The following PCBP3 variants were observed in gnomAD, a reference collection of about 807,000 sequenced individuals.
PCBP3 encodes the protein poly(rC)-binding protein 3.
A neutral mutation model predicts 52.7 loss-of-function variants in PCBP3; 25 were observed. The ratio of observed to expected loss-of-function variants is 0.47; its 90% CI spans 0.35 to 0.66. The LOEUF is 0.66. Among genes scored for constraint, PCBP3 ranks in the 30% least tolerant of loss-of-function variants. The pLI is 0.01. For missense variants in PCBP3, 391 were observed against 490.3 expected, an observed-to-expected ratio of 0.80 and a Z score of 1.91; for synonymous variants, 162 against 183.0, an observed-to-expected ratio of 0.89 and a Z score of 0.93.
intron 4 of PCBP3, among the ~76,000 whole-genome samples, chr21:45,840,456 CAAAAAAA>C (rs36059363): frequency 1.1e-5 from 1 of 87,998 alleles, no homozygotes; most frequent in Non-Finnish European, 2.3e-5. Flanking sequence ...GACCCTGTCT[CAAAAAAA>C]AAAAAAAAAA....
intron 4 of PCBP3, among the ~76,000 whole-genome samples, chr21:45,826,750 C>T (rs1603445084): frequency 6.6e-6 from 1 of 152,176 alleles, no homozygotes; most frequent in East Asian, 1.9e-4. Context: ...ACTGGAAACG[C>T]CAGTGGGTAC....
At chr21:45,651,299 A>G (rs920161505) in intron 1 of PCBP3, among the ~76,000 whole-genome samples, 5 of 152,176 alleles carry the variant, frequency 3.3e-5, no homozygotes, top group African/African-American at 4.8e-5. Flanking sequence ...CCAGCTTATT[A>G]TTTATTTTCT....
At chr21:45,696,848 A>G (rs1171671925) in intron 2 of PCBP3, among the ~76,000 whole-genome samples, 2 of 152,102 alleles carry the variant, frequency 1.3e-5, no homozygotes, top group African/African-American at 4.8e-5. Context: ...CAGACACTTC[A>G]CAAAAGGGGA....
At chr21:45,717,033 T>C (rs2084270116) in intron 2 of PCBP3, among the ~76,000 whole-genome samples, 2 of 152,162 alleles carry the variant, frequency 1.3e-5, no homozygotes, top group Admixed American at 6.5e-5. Context: ...CCTTTCCCTT[T>C]CTTGTAGTTT....
At chr21:45,669,801 GTGTGTATA>G (rs1172021667) in intron 2 of PCBP3, among the ~76,000 whole-genome samples, 4,132 of 67,412 alleles carry the variant, frequency 0.061, 61 homozygotes, top group Non-Finnish European at 0.079. Context: ...GTGTGTGTGT[GTGTGTATA>G]TATATATATA....
At chr21:45,753,300 A>T (rs1215724344) in intron 3 of PCBP3, among the ~76,000 whole-genome samples, 1 of 151,950 alleles carries the variant, frequency 6.6e-6, no homozygotes. Context: ...TTATTATGGT[A>T]TCTTGCTAAT....
intron 5 of PCBP3, among the ~76,000 whole-genome samples, chr21:45,854,772 G>C (rs1326887175): frequency 6.6e-6 from 1 of 152,222 alleles, no homozygotes; most frequent in Non-Finnish European, 1.5e-5. Context: ...CTCTTGGATT[G>C]TTCACTGTGA....
chr21:45,897,161 C>T (rs530244561), intron 6 of PCBP3, among the ~76,000 whole-genome samples: 6 of 152,326 alleles, frequency 3.9e-5, no homozygotes, highest in Middle Eastern at 6.8e-3. Context: ...TGAGACAGTG[C>T]CAACCTGATA....
chr21:45,806,014 G>A (rs77163542), intron 4 of PCBP3, among the ~76,000 whole-genome samples: 2,766 of 152,282 alleles, frequency 0.018, 75 homozygotes, highest in African/African-American at 0.06. Context: ...TAGAGAGGGC[G>A]GTCCACACGA....
Position 45,917,920 on chromosome 21 carries a change from T to C in PCBP3, c.717+291T>C, listed in dbSNP as rs1414614132. On this transcript the variant is annotated intron_variant, in intron 13 of 17. Coordinates refer to ENST00000681687, the MANE Select transcript of PCBP3 (RefSeq NM_001384156.1). This position sits in a 1 kb window ranked among gnomAD's most constrained non-coding sequence, Gnocchi z 5.3. ...TGGGAGGGAACTGAGACGGGCTCTG[T>C]CCCCGTGCAGGGCAGTGAGGATGTG... The C allele has an allele frequency of 8.9e-6, 4 of 447,076 alleles. No homozygotes were observed. The highest frequency in any genetic ancestry group is 1.3e-5 in the Non-Finnish European group (3 of 238,462). The allele number at this position is 447,076 out of a possible 1,614,324, so 27.7% of individuals were successfully genotyped here. A position where few individuals can be genotyped will look rare whatever the true frequency, so the allele number is the denominator to read the frequency against.
chr21:45,814,634 A>G (rs1603441675), intron 4 of PCBP3, among the ~76,000 whole-genome samples: 2 of 63,390 alleles, frequency 3.2e-5, no homozygotes, highest in African/African-American at 6.4e-5. Flanking sequence ...ATGAGTGGTG[A>G]GTGGTGAGTG....
At chr21:45,722,608 A>T (rs927499394) in intron 2 of PCBP3, among the ~76,000 whole-genome samples, 8 of 152,194 alleles carry the variant, frequency 5.3e-5, no homozygotes, top group African/African-American at 1.9e-4. Context: ...TAAAAGGCTA[A>T]AAACAAGCTG....
At chr21:45,758,013 C>T (rs868697204) in intron 4 of PCBP3, among the ~76,000 whole-genome samples, 1 of 152,092 alleles carries the variant, frequency 6.6e-6, no homozygotes, top group Non-Finnish European at 1.5e-5. Flanking sequence ...CTCAGCCTCC[C>T]GAGTAGCTGG....
At chr21:45,888,125 G>T (rs8133832) in intron 5 of PCBP3, among the ~76,000 whole-genome samples, 8,725 of 152,272 alleles carry the variant, frequency 0.057, 285 homozygotes, top group Non-Finnish European at 0.08. Context: ...CAGGGAGGCC[G>T]CACAGGGCAG....
At chr21:45,835,469 C>T (rs531209319) in intron 4 of PCBP3, among the ~76,000 whole-genome samples, 151 of 152,354 alleles carry the variant, frequency 9.9e-4, no homozygotes, top group African/African-American at 3.5e-3. Flanking sequence ...AGCTCCTGGC[C>T]GCAGCCGGCA....
rs1292617518 is a variant in PCBP3, at chr21:45,837,894, C to T, written c.-125-12067C>T. On this transcript the variant is annotated intron_variant, in intron 4 of 17. Transcript: ENST00000681687. This position sits in a 1 kb window ranked among gnomAD's most constrained non-coding sequence, Gnocchi z 4.1. ...GTCAATATTCATTGATGGTCATTGCCTGGATGCAGTACACATTAGGGGCTG... is the reference window on the plus strand; with the variant it reads ...GTCAATATTCATTGATGGTCATTGCTTGGATGCAGTACACATTAGGGGCTG... 6.6e-6 allele frequency among the ~76,000 whole-genome samples: 1 copy of T among 152,198 alleles called. No individual in the cohort carries two copies. The highest frequency in any genetic ancestry group is 1.5e-5 in the Non-Finnish European group (1 of 68,036).
At chr21:45,916,278 G>A (rs905087313) in intron 12 of PCBP3, 1 of 152,328 alleles carries the variant, frequency 6.6e-6, no homozygotes. Flanking sequence ...CTCACCTTCG[G>A]TGACACATGG....
intron 14 of PCBP3, 101 bp downstream of exon 14, chr21:45,930,096 G>A (rs3827268): frequency 0.12 from 76,540 of 655,056 alleles, 5,753 homozygotes; most frequent in African/African-American, 0.36. Flanking sequence ...AGGTGCAGTT[G>A]GATTTGTGAG....
intron 4 of PCBP3, among the ~76,000 whole-genome samples, chr21:45,847,688 G>A (rs73380673): frequency 0.022 from 3,326 of 152,218 alleles, 135 homozygotes; most frequent in African/African-American, 0.074. Context: ...CAGGAAGTCC[G>A]ATCCCCATCT....
Sources: allele counts gnomAD v4.1 joint callset (sites outside exome capture counted in the v4.1 genomes callset), GRCh38; gene constraint gnomAD v4.1.1; non-coding constraint Gnocchi (gnomAD v3.1); transcripts MANE v1.5; gene names NCBI Gene and HGNC (gene_info 2026-07-23, HGNC 2026-07-21).